ADAMTSL1: variants seen among roughly 807,000 people sequenced by gnomAD.
The protein encoded by ADAMTSL1 is ADAMTS like 1.
ADAMTSL1 carries 126 observed loss-of-function variants against 201.8 expected under a neutral mutation model. The observed-to-expected ratio is 0.62, with a 90% confidence interval of 0.54 to 0.72. ADAMTSL1 has a LOEUF of 0.72. ADAMTSL1 is among the 30% of genes least tolerant of loss of function. The pLI is 0.00. For missense variants in ADAMTSL1, 2,679 were observed against 2,277.8 expected, an observed-to-expected ratio of 1.18 and a Z score of -3.59; for synonymous variants, 1,121 against 903.4, an observed-to-expected ratio of 1.24 and a Z score of -4.32.
chr9:17,908,220 C>G (rs1825798182), intron 1 of ADAMTSL1, among the ~76,000 whole-genome samples: 1 of 152,156 alleles, frequency 6.6e-6, no homozygotes, highest in Admixed American at 6.5e-5. Context: ...TAATTATCAG[C>G]AAGTTGTATT....
At chr9:18,666,049 G>A (rs1829411316) in intron 9 of ADAMTSL1, among the ~76,000 whole-genome samples, 1 of 152,008 alleles carries the variant, frequency 6.6e-6, no homozygotes, top group African/African-American at 2.4e-5. Context: ...GGCATTCTTG[G>A]TTCTCATTCT....
At chr9:18,082,121 C>T (rs72697491) in intron 1 of ADAMTSL1, among the ~76,000 whole-genome samples, 5,992 of 152,230 alleles carry the variant, frequency 0.039, 390 homozygotes, top group East Asian at 0.35. Context: ...CTGTAGTTAT[C>T]TTTAATGTTG....
At chr9:18,773,867 C>T (rs188100702) in intron 17 of ADAMTSL1, among the ~76,000 whole-genome samples, 2 of 152,150 alleles carry the variant, frequency 1.3e-5, no homozygotes, top group African/African-American at 2.4e-5. Context: ...TTGGATTTAG[C>T]GCTGTCATTT....
At chr9:18,316,290 A>G (rs1270121557) in intron 2 of ADAMTSL1, among the ~76,000 whole-genome samples, 2 of 152,100 alleles carry the variant, frequency 1.3e-5, no homozygotes, top group Non-Finnish European at 2.9e-5. Flanking sequence ...ATCAGGAGAC[A>G]GGGTTTTGAG....
At chr9:18,368,241 A>G (rs781225638) in intron 2 of ADAMTSL1, among the ~76,000 whole-genome samples, 4 of 152,088 alleles carry the variant, frequency 2.6e-5, no homozygotes, top group Non-Finnish European at 5.9e-5. Context: ...AGTGTATCAC[A>G]TGCTTTCTGG....
At chr9:18,655,805 T>TAAAAAAAAAAAAAAAAA (rs1828604722) in intron 7 of ADAMTSL1, among the ~76,000 whole-genome samples, 1 of 59,250 alleles carries the variant, frequency 1.7e-5, no homozygotes, top group African/African-American at 1.5e-4. Flanking sequence ...TTTTGTGAGC[T>TAAAAAAAAAAAAAAAAA]TAAAAAAAAA....
intron 1 of ADAMTSL1, among the ~76,000 whole-genome samples, chr9:18,020,039 T>G (rs1022070768): frequency 7.2e-5 from 11 of 152,174 alleles, no homozygotes; most frequent in African/African-American, 2.4e-4. Flanking sequence ...TCAACACTAT[T>G]ATTTTTGGTG....
At chr9:18,456,114 C>G (rs1208925490) in intron 2 of ADAMTSL1, among the ~76,000 whole-genome samples, 1 of 152,120 alleles carries the variant, frequency 6.6e-6, no homozygotes, top group Non-Finnish European at 1.5e-5. Context: ...CTAAGTGATT[C>G]CAGTTTGGCT....
chr9:18,556,770 G>T (rs1289195265), intron 3 of ADAMTSL1, among the ~76,000 whole-genome samples: 1 of 151,948 alleles, frequency 6.6e-6, no homozygotes, highest in African/African-American at 2.4e-5. Flanking sequence ...GATATTGTTT[G>T]ATTAGACTCA....
chr9:18,531,726 A>T (rs1564023639), intron 2 of ADAMTSL1, among the ~76,000 whole-genome samples: 1 of 152,192 alleles, frequency 6.6e-6, no homozygotes, highest in Non-Finnish European at 1.5e-5. Flanking sequence ...ACCAAGTCAT[A>T]TTCATTCTTC....
chr9:18,482,264 T>G (rs1157826220), intron 1 of ADAMTSL1, among the ~76,000 whole-genome samples: 2 of 152,212 alleles, frequency 1.3e-5, no homozygotes, highest in East Asian at 1.9e-4. Flanking sequence ...ACTCTAATAG[T>G]TTCACCACCT....
At chr9:17,909,277 T>C (rs1825840887) in intron 1 of ADAMTSL1, among the ~76,000 whole-genome samples, 1 of 147,736 alleles carries the variant, frequency 6.8e-6, no homozygotes, top group Admixed American at 6.8e-5. Context: ...AGGTTGCCTG[T>C]TCACTCTGAT....
chr9:18,044,238 G>A (rs1821562190), intron 1 of ADAMTSL1, among the ~76,000 whole-genome samples: 1 of 152,022 alleles, frequency 6.6e-6, no homozygotes, highest in East Asian at 1.9e-4. Context: ...AAGAGAGACT[G>A]CAGAGGACTA....
chr9:18,727,799 G>C (rs955944202), intron 15 of ADAMTSL1, among the ~76,000 whole-genome samples: 1 of 152,178 alleles, frequency 6.6e-6, no homozygotes, highest in Non-Finnish European at 1.5e-5. Context: ...TCACTTTGCG[G>C]CTGGGCACAG....
intron 15 of ADAMTSL1, among the ~76,000 whole-genome samples, chr9:18,745,212 T>A (rs549308875): frequency 1.0e-3 from 155 of 152,314 alleles, no homozygotes; most frequent in Admixed American, 3.3e-3. Flanking sequence ...TCAATTATTA[T>A]TATGATGATT....
chr9:18,055,615 A>G (rs1822147916), intron 1 of ADAMTSL1, among the ~76,000 whole-genome samples: 1 of 152,244 alleles, frequency 6.6e-6, no homozygotes, highest in Non-Finnish European at 1.5e-5. Flanking sequence ...TTTCAAAGTA[A>G]CAACCACGAG....
intron 2 of ADAMTSL1, among the ~76,000 whole-genome samples, chr9:18,457,462 G>A (rs144097658): frequency 6.6e-6 from 1 of 152,142 alleles, no homozygotes; most frequent in Admixed American, 6.6e-5. Context: ...CTTCTGAGTG[G>A]CTGGCTAGGA....
chr9:18,057,427 A>C (rs181969279), intron 1 of ADAMTSL1, among the ~76,000 whole-genome samples: 29 of 152,344 alleles, frequency 1.9e-4, no homozygotes, highest in South Asian at 6.2e-4. Flanking sequence ...TGTTCTCCCA[A>C]TATGAGTGTT....
At chr9:18,692,527 TGC>T (rs1456518004) in intron 13 of ADAMTSL1, among the ~76,000 whole-genome samples, 3 of 152,210 alleles carry the variant, frequency 2.0e-5, no homozygotes, top group African/African-American at 7.2e-5. Context: ...GATCCTTGTG[TGC>T]CAAAATAAAG....
Sources: allele counts gnomAD v4.1 joint callset (sites outside exome capture counted in the v4.1 genomes callset), GRCh38; gene constraint gnomAD v4.1.1; transcripts MANE v1.5; gene names NCBI Gene and HGNC (gene_info 2026-07-23, HGNC 2026-07-21).